The following ERCC6L2 variants were observed in gnomAD, a reference collection of about 807,000 sequenced individuals.
The protein encoded by ERCC6L2 is DNA excision repair protein ERCC-6-like 2.
Under a neutral mutation model 132.0 loss-of-function variants are expected in ERCC6L2, and 77 were observed. The observed-to-expected ratio is 0.58, with a 90% CI of 0.49 to 0.71. The LOEUF is 0.71. Ranked by LOEUF, ERCC6L2 falls within the 30% of genes least tolerant of loss-of-function variation. The pLI is 0.00. For synonymous variants in ERCC6L2, 583 were observed against 632.4 expected, an observed-to-expected ratio of 0.92 and a Z score of 1.17; for missense variants, 1,542 against 1,837.6, an observed-to-expected ratio of 0.84 and a Z score of 2.94.
At chr9:95,950,977 C>T (rs1831303765) in intron 12 of ERCC6L2, among the ~76,000 whole-genome samples, 1 of 152,072 alleles carries the variant, frequency 6.6e-6, no homozygotes, top group Non-Finnish European at 1.5e-5. Flanking sequence ...ACAAATTGGA[C>T]CTAACAGATA....
At chr9:95,914,481 G>A (rs1829485449) in intron 4 of ERCC6L2, among the ~76,000 whole-genome samples, 1 of 152,058 alleles carries the variant, frequency 6.6e-6, no homozygotes, top group African/African-American at 2.4e-5. Context: ...AGCCTCCTGA[G>A]TAGCCGGGAC....
At chr9:95,885,494 A>G (rs1827816034) in intron 2 of ERCC6L2, among the ~76,000 whole-genome samples, 1 of 152,196 alleles carries the variant, frequency 6.6e-6, no homozygotes, top group Non-Finnish European at 1.5e-5. Flanking sequence ...TTAATACAAA[A>G]TCCAAGATTT....
At chr9:95,881,409 G>GT in intron 2 of ERCC6L2, 116 bp downstream of exon 2, 2 of 758,072 alleles carry the variant, frequency 2.6e-6, no homozygotes, top group Non-Finnish European at 3.8e-6. Flanking sequence ...TCCTGTGTAT[G>GT]TTTGTGTTTG....
At chr9:95,935,410 A>T (rs1830510167) in intron 11 of ERCC6L2, among the ~76,000 whole-genome samples, 1 of 152,172 alleles carries the variant, frequency 6.6e-6, no homozygotes, top group African/African-American at 2.4e-5. Flanking sequence ...TATTTTAACG[A>T]AGCTCAGTTT....
chr9:95,881,869 C>G (rs1827615413), intron 2 of ERCC6L2, among the ~76,000 whole-genome samples: 1 of 152,184 alleles, frequency 6.6e-6, no homozygotes, highest in African/African-American at 2.4e-5. Flanking sequence ...CAAATTATGC[C>G]AAATTTAGCA....
At chr9:95,945,946 G>A (rs1253691454) in intron 12 of ERCC6L2, among the ~76,000 whole-genome samples, 2 of 151,904 alleles carry the variant, frequency 1.3e-5, no homozygotes, top group Non-Finnish European at 2.9e-5. Flanking sequence ...TTAGACTCAG[G>A]TTTATGCTTA....
rs953582726 is a variant in ERCC6L2, at chr9:96,002,997, C to T, written c.3493-1523C>T. 1.1e-4 allele frequency among the ~76,000 whole-genome samples: 17 copies of T among 152,030 alleles called. 1 individual carries two copies. The highest frequency in any genetic ancestry group is 2.9e-4 in the African/African-American group (12 of 41,388). ...ACTTCCCTATTTTTTTTAATCTCTGCACTTAATTCTGAGTAATTTTATCCT... is the reference window on the plus strand; with the variant it reads ...ACTTCCCTATTTTTTTTAATCTCTGTACTTAATTCTGAGTAATTTTATCCT... On this transcript the variant is annotated intron_variant, in intron 17 of 18. Transcript: ENST00000653738.
intron 2 of ERCC6L2, among the ~76,000 whole-genome samples, chr9:95,892,278 C>T (rs1179249428): frequency 6.6e-6 from 1 of 151,830 alleles, no homozygotes; most frequent in East Asian, 1.9e-4. Context: ...TTTACCATTC[C>T]TCTAGGGACC....
At chr9:96,009,453 T>C (rs1337264748) in intron 18 of ERCC6L2, among the ~76,000 whole-genome samples, 1 of 152,220 alleles carries the variant, frequency 6.6e-6, no homozygotes, top group African/African-American at 2.4e-5. Flanking sequence ...TTCCGGAAGC[T>C]TAGGCAGACA....
chr9:95,914,377 CG>C (rs1554742685), intron 4 of ERCC6L2, among the ~76,000 whole-genome samples: 1 of 151,142 alleles, frequency 6.6e-6, no homozygotes, highest in Non-Finnish European at 1.5e-5. Flanking sequence ...TTTTTTGAGA[CG>C]GAGTCTTGCT....
intron 12 of ERCC6L2, among the ~76,000 whole-genome samples, chr9:95,947,985 G>C (rs1450252159): frequency 6.6e-6 from 1 of 152,196 alleles, no homozygotes; most frequent in Non-Finnish European, 1.5e-5. Flanking sequence ...TGTTTATGCA[G>C]TAACACAACA....
chr9:96,004,645 C>A lies in ERCC6L2; in HGVS notation c.3618C>A (p.Val1206=). Residue 1206 remains valine (V), a synonymous_variant, in exon 18 of 19, where the codon GTC becomes GTA. Transcript: ENST00000653738. ...CTGTAAACCAGAAGAAGAAAAAAGTCTACCATACAAACCAGACCACCTTCA... is the reference window on the plus strand; with the variant it reads ...CTGTAAACCAGAAGAAGAAAAAAGTATACCATACAAACCAGACCACCTTCA... ...SNPVNQKKKK[V]YHTNQTTFII... The A allele has an allele frequency of 7.5e-7, 1 of 1,336,816 alleles. No homozygotes were observed. The highest frequency in any genetic ancestry group is 4.8e-5 in the East Asian group (1 of 21,038). 82.8% of individuals were successfully genotyped at this position (1,336,816 alleles called of 1,614,324 possible).
At chr9:95,943,752 A>T (rs1186298916) in intron 12 of ERCC6L2, among the ~76,000 whole-genome samples, 2 of 152,232 alleles carry the variant, frequency 1.3e-5, no homozygotes, top group Non-Finnish European at 1.5e-5. Flanking sequence ...ACATGAAGAG[A>T]TGCTCAGCAT....
rs1834136448 is a variant in ERCC6L2 at position 96,014,490 on chromosome 9, T to G, written c.*1287T>G. On this transcript the variant is annotated 3_prime_UTR_variant, in exon 19 of 19. Coordinates refer to ENST00000653738, the MANE Select transcript of ERCC6L2 (RefSeq NM_020207.7). ...AGCAATGTTTTGCCCTAGAGAATTGTAAAATTTATGTCATGACTCAGTACA... is the reference window on the plus strand; with the variant it reads ...AGCAATGTTTTGCCCTAGAGAATTGGAAAATTTATGTCATGACTCAGTACA... 6.6e-6 allele frequency: 1 copy of G among 152,252 alleles called. No homozygotes were observed. The highest frequency in any genetic ancestry group is 1.5e-5 in the Non-Finnish European group (1 of 68,048). 9.4% of individuals were successfully genotyped at this position (152,252 alleles called of 1,614,324 possible). A position where few individuals can be genotyped will look rare whatever the true frequency, so the allele number is the denominator to read the frequency against.
At chr9:95,993,807 C>G (rs560465130) in intron 17 of ERCC6L2, among the ~76,000 whole-genome samples, 77 of 152,242 alleles carry the variant, frequency 5.1e-4, no homozygotes, top group Non-Finnish European at 7.4e-4. Context: ...AGAAAGCAGA[C>G]CCATGGTTAA....
intron 12 of ERCC6L2, among the ~76,000 whole-genome samples, chr9:95,949,688 G>A (rs1318422187): frequency 6.6e-6 from 1 of 152,094 alleles, no homozygotes; most frequent in African/African-American, 2.4e-5. Context: ...AAAGCTTGAG[G>A]GAGTTCATTA....
intron 13 of ERCC6L2, among the ~76,000 whole-genome samples, chr9:95,959,189 T>C: frequency 6.7e-6 from 1 of 148,894 alleles, no homozygotes; most frequent in Non-Finnish European, 1.5e-5. Context: ...GAGATGTAGA[T>C]CAATGGAACA....
chr9:95,937,500 G>A (rs566161813), intron 11 of ERCC6L2, among the ~76,000 whole-genome samples: 2 of 151,990 alleles, frequency 1.3e-5, no homozygotes, highest in African/African-American at 4.8e-5. Flanking sequence ...TAAGAGTTTT[G>A]AAAATAACAT....
intron 5 of ERCC6L2, 87 bp downstream of exon 5, chr9:95,915,916 C>T (rs376302852): frequency 1.2e-5 from 16 of 1,288,870 alleles, no homozygotes; most frequent in Middle Eastern, 2.4e-4. Flanking sequence ...TCCAAACAAA[C>T]GAAACAGTCA....
Sources: allele counts gnomAD v4.1 joint callset (sites outside exome capture counted in the v4.1 genomes callset), GRCh38; gene constraint gnomAD v4.1.1; transcripts MANE v1.5; gene names NCBI Gene and HGNC (gene_info 2026-07-23, HGNC 2026-07-21).